DIPK2A: variants seen among roughly 807,000 people sequenced by gnomAD.
DIPK2A encodes divergent protein kinase domain 2A.
DIPK2A carries 27 observed loss-of-function variants against 39.0 expected under a neutral mutation model. The ratio of observed to expected loss-of-function variants is 0.69; its 90% confidence interval spans 0.51 to 0.96. The LOEUF (loss-of-function observed/expected upper bound fraction) is 0.96. Ranked by LOEUF, DIPK2A falls within the 40% of genes least tolerant of loss-of-function variation. DIPK2A has a pLI of 0.00. For missense variants in DIPK2A, 528 were observed against 571.3 expected, an observed-to-expected ratio of 0.92 and a Z score of 0.77; for synonymous variants, 298 against 240.8, an observed-to-expected ratio of 1.24 and a Z score of -2.20.
At position 143,990,658 on chromosome 3, in the gene DIPK2A, T is replaced by C. The variant is rs2107851396; in HGVS notation, c.*817T>C. ...GAAGAATATACTAGAATCTATATAT[T>C]GATGTTAATTTTGATTCAGAAAAAA... On this transcript the variant is annotated 3_prime_UTR_variant, in exon 3 of 3. Transcript: ENST00000315691. 1 of 152,716 alleles carries C rather than the reference T, an allele frequency of 6.5e-6. No homozygotes were observed. Among genetic ancestry groups the C allele is most frequent in the South Asian group, 2.1e-4 (1 of 4,822 alleles). 9.5% of individuals were successfully genotyped at this position (152,716 alleles called of 1,614,324 possible).
chr3:143,989,400 A>C (rs2087948216), intron 2 of DIPK2A, 110 bp from the exon 3 acceptor site: 3 of 667,770 alleles, frequency 4.5e-6, no homozygotes, highest in Non-Finnish European at 7.5e-6. Context: ...ATATACTTTT[A>C]CCTAAAAGTG....
chr3:143,987,218 C>T (rs890124926), intron 2 of DIPK2A, among the ~76,000 whole-genome samples: 1 of 152,082 alleles, frequency 6.6e-6, no homozygotes, highest in Non-Finnish European at 1.5e-5. Context: ...TGTACACAAG[C>T]AGGTGGTTTT....
intron 2 of DIPK2A, among the ~76,000 whole-genome samples, chr3:143,988,732 G>A (rs2087941704): frequency 6.6e-6 from 1 of 151,938 alleles, no homozygotes; most frequent in Non-Finnish European, 1.5e-5. Context: ...TATTTATTTT[G>A]TTTATATATA....
chr3:143,987,838 C>T (rs139449422), intron 2 of DIPK2A, among the ~76,000 whole-genome samples: 74 of 152,304 alleles, frequency 4.9e-4, no homozygotes, highest in Admixed American at 3.4e-3. Context: ...TAAAACCTGA[C>T]GTAGACCTCT....
intron 1 of DIPK2A, chr3:143,978,623 T>TAG (rs1491419947): frequency 3.5e-5 from 1 of 28,810 alleles, no homozygotes; most frequent in Admixed American, 3.4e-4. Flanking sequence ...TATCTATATC[T>TAG]ATATATATAT....
intron 2 of DIPK2A, among the ~76,000 whole-genome samples, chr3:143,988,717 CTTTATA>C (rs2087941535): frequency 6.6e-6 from 1 of 152,116 alleles, no homozygotes; most frequent in Admixed American, 6.5e-5. Flanking sequence ...CTTATAGCTC[CTTTATA>C]TTTATTTTGT....
At chr3:143,975,223 T>A (rs769809253) in intron 1 of DIPK2A, among the ~76,000 whole-genome samples, 50 of 152,278 alleles carry the variant, frequency 3.3e-4, no homozygotes, top group Admixed American at 8.5e-4. Flanking sequence ...CTAATACTAA[T>A]ATATGTATTA....
In DIPK2A at chr3:143,972,362, C is replaced by T; in HGVS notation, c.30C>T (p.Gly10=). The change falls in exon 1 of 3, where the codon GGC becomes GGT. Residue 10 remains glycine (G), a synonymous_variant. Transcript: ENST00000315691. ...GGCGCCTGGTGCCCCCGAAGCTGGGCCGCCTGTCCCGCTCGCTGAAGCTGG... is the reference window on the plus strand; with the variant it reads ...GGCGCCTGGTGCCCCCGAAGCTGGGTCGCCTGTCCCGCTCGCTGAAGCTGG... MWRLVPPKL[G]RLSRSLKLAA... 7.2e-7 allele frequency: 1 copy of T among 1,380,472 alleles called. No homozygotes were observed. 85.5% of individuals were successfully genotyped at this position (1,380,472 alleles called of 1,614,324 possible). A position where few individuals can be genotyped will look rare whatever the true frequency, so the allele number is the denominator to read the frequency against.
At chr3:143,982,994 C>T (rs893062013) in intron 1 of DIPK2A, among the ~76,000 whole-genome samples, 2 of 152,132 alleles carry the variant, frequency 1.3e-5, no homozygotes, top group Non-Finnish European at 2.9e-5. Flanking sequence ...AAGGGCATTA[C>T]ATAATGGTAA....
intron 1 of DIPK2A, among the ~76,000 whole-genome samples, chr3:143,984,613 C>T (rs1184755996): frequency 6.6e-6 from 1 of 151,938 alleles, no homozygotes; most frequent in Non-Finnish European, 1.5e-5. Context: ...CATATTTTAG[C>T]AGTGGAAGGT....
At chr3:143,980,671 G>A (rs561869830) in intron 1 of DIPK2A, among the ~76,000 whole-genome samples, 2 of 151,416 alleles carry the variant, frequency 1.3e-5, no homozygotes, top group Non-Finnish European at 1.5e-5. Context: ...GTAGAAAATC[G>A]ATATTCACAT....
In DIPK2A at chr3:143,972,255, C is replaced by T. The variant is rs1184898308; in HGVS notation, c.-78C>T. 5.5e-6 allele frequency: 7 copies of T among 1,279,870 alleles called. No homozygotes were observed. In the East Asian group the frequency reaches 1.2e-4, roughly 22 times the overall value. 79.3% of individuals were successfully genotyped at this position (1,279,870 alleles called of 1,614,324 possible). ...TCCTTCTCTCGCCCGGGGTTCCTGC[C>T]GGTAGCTCTCCGGGTCTTGGCGCGG... On this transcript the variant is annotated 5_prime_UTR_variant, in exon 1 of 3. Transcript: ENST00000315691.
At position 143,976,136 on chromosome 3, in the gene DIPK2A, A is replaced by G. The variant is rs189287611; in HGVS notation, c.657+3147A>G. 3.6e-3 allele frequency among the ~76,000 whole-genome samples: 550 copies of G among 152,208 alleles called. 1 individual carries two copies. Among genetic ancestry groups the G allele is most frequent in the Middle Eastern group, 6.8e-3 (2 of 294 alleles). On this transcript the variant is annotated intron_variant, in intron 1 of 2. Transcript: ENST00000315691. ...AGATTTGTGATATAAATTTCCCCAT[A>G]TGAAATGGCATGAGAGTATGGCTTT...
At chr3:143,986,447 G>T (rs903774995) in intron 2 of DIPK2A, among the ~76,000 whole-genome samples, 1 of 152,126 alleles carries the variant, frequency 6.6e-6, no homozygotes, top group Non-Finnish European at 1.5e-5. Flanking sequence ...AATGCCGGCC[G>T]GGTGCGGTGG....
chr3:143,971,928 A>T lies in DIPK2A; in HGVS notation c.-405A>T. ...AGTCCCTCCTTTCCTCGCAGACCCC[A>T]CTTGTCGTGGCTGGCTGCCGCCGCA... On this transcript the variant is annotated 5_prime_UTR_variant, in exon 1 of 3. Coordinates refer to ENST00000315691, the MANE Select transcript of DIPK2A (RefSeq NM_173552.5). The T allele has an allele frequency of 5.3e-6, 1 of 188,262 alleles. No individual in the cohort carries two copies. Among genetic ancestry groups the T allele is most frequent in the Non-Finnish European group, 1.1e-5 (1 of 92,678 alleles). 11.7% of individuals were successfully genotyped at this position (188,262 alleles called of 1,614,324 possible). A position where few individuals can be genotyped will look rare whatever the true frequency, so the allele number is the denominator to read the frequency against.
intron 1 of DIPK2A, among the ~76,000 whole-genome samples, chr3:143,981,193 G>A (rs2087823798): frequency 6.6e-6 from 1 of 152,090 alleles, no homozygotes; most frequent in Non-Finnish European, 1.5e-5. Context: ...TTTAGAATAA[G>A]GTAAATATAC....
In DIPK2A at chr3:143,991,302, C is replaced by T. The variant is rs2087984255; in HGVS notation, c.*1461C>T. Reference sequence around the variant, plus strand: ...AGGTTTTTCTTTTTCATTTATTCAGCAACTATTTATTAAGCATCAACTCTG... The same window carrying T: ...AGGTTTTTCTTTTTCATTTATTCAGTAACTATTTATTAAGCATCAACTCTG... On this transcript the variant is annotated 3_prime_UTR_variant, in exon 3 of 3. Transcript: ENST00000315691. 2 of 152,462 alleles carry T rather than the reference C, an allele frequency of 1.3e-5. No homozygotes were observed. Among genetic ancestry groups the T allele is most frequent in the African/African-American group, 2.4e-5 (1 of 41,442 alleles). The allele number at this position is 152,462 out of a possible 1,614,324, so 9.4% of individuals were successfully genotyped here.
At chr3:143,976,999 G>T (rs553084215) in intron 1 of DIPK2A, among the ~76,000 whole-genome samples, 1 of 151,920 alleles carries the variant, frequency 6.6e-6, no homozygotes, top group South Asian at 2.1e-4. Context: ...TAAAAATAAT[G>T]GTGATTTTGA....
chr3:143,986,220 T>G (rs2087897597), intron 2 of DIPK2A: 1 of 172,590 alleles, frequency 5.8e-6, no homozygotes, highest in Non-Finnish European at 1.2e-5. Flanking sequence ...ATGTAATATA[T>G]TGAATTCTGT....
Sources: allele counts gnomAD v4.1 joint callset (sites outside exome capture counted in the v4.1 genomes callset), GRCh38; gene constraint gnomAD v4.1.1; transcripts MANE v1.5; gene names NCBI Gene and HGNC (gene_info 2026-07-23, HGNC 2026-07-21).